Variants in PACRG observed in about 807,000 individuals in gnomAD.
PACRG encodes parkin coregulated gene protein.
PACRG carries 29 observed loss-of-function variants against 29.7 expected under a neutral mutation model. That is an observed-to-expected ratio of 0.98 (90% CI 0.73 to 1.33). PACRG has a LOEUF of 1.33. Among genes scored for constraint, PACRG ranks in the 40% most tolerant of loss-of-function variants. The pLI is 0.00. For synonymous variants in PACRG, 116 were observed against 118.7 expected (o/e 0.98, Z 0.15); for missense variants, 279 against 316.2 (o/e 0.88, Z 0.89).
chr6:163,206,111 G>C (rs1780891565), intron 4 of PACRG, among the ~76,000 whole-genome samples: 1 of 152,284 alleles, frequency 6.6e-6, no homozygotes, highest in African/African-American at 2.4e-5. Context: ...ACTGCTGGTG[G>C]GGGAGTGTAA....
chr6:162,994,927 T>G (rs546786938), intron 2 of PACRG, among the ~76,000 whole-genome samples: 1 of 148,356 alleles, frequency 6.7e-6, no homozygotes, highest in South Asian at 2.1e-4. Context: ...TCGGTGTGGA[T>G]GTCCTTTCTG....
chr6:162,935,559 A>G (rs1011613627), intron 2 of PACRG, among the ~76,000 whole-genome samples: 6 of 151,298 alleles, frequency 4.0e-5, no homozygotes, highest in Non-Finnish European at 1.5e-5. Context: ...GTTCTTTTAT[A>G]TGCTATTTCT....
At chr6:162,760,574 T>C (rs1782271063) in intron 1 of PACRG, among the ~76,000 whole-genome samples, 2 of 152,010 alleles carry the variant, frequency 1.3e-5, no homozygotes, top group South Asian at 4.1e-4. Context: ...GCAAAGCCGA[T>C]GGGGGTGTGT....
At chr6:163,041,167 C>A (rs976224694) in intron 2 of PACRG, among the ~76,000 whole-genome samples, 6 of 152,080 alleles carry the variant, frequency 3.9e-5, no homozygotes, top group Middle Eastern at 6.8e-3. Context: ...GAAACCCCGT[C>A]TCTACTAAAA....
rs1019247104 is a variant in PACRG, at chr6:162,777,265, T to C, written c.157-36882T>C. Among the ~76,000 whole-genome samples the C allele has an allele frequency of 2.6e-5, 4 of 152,214 alleles. No homozygotes were observed. Among genetic ancestry groups the C allele is most frequent in the African/African-American group, 9.7e-5 (4 of 41,448 alleles). ...CGTTGTTTTTCTCCACTTCGGGACA[T>C]GCAGTTGGCCATGTGCTCACAGGCC... On this transcript the variant is annotated intron_variant, in intron 1 of 4. Coordinates refer to ENST00000366888, the MANE Select transcript of PACRG (RefSeq NM_001080379.2). The surrounding 1 kb of genome is among the most constrained non-coding windows in gnomAD (Gnocchi z 4.0).
At chr6:162,956,112 G>A (rs757945548) in intron 2 of PACRG, among the ~76,000 whole-genome samples, 3 of 152,274 alleles carry the variant, frequency 2.0e-5, no homozygotes, top group Middle Eastern at 3.4e-3. Context: ...ACCATGACTC[G>A]TGTTAAGGTG....
At chr6:162,738,865 A>G (rs1235071158) in intron 1 of PACRG, among the ~76,000 whole-genome samples, 2 of 152,224 alleles carry the variant, frequency 1.3e-5, no homozygotes, top group African/African-American at 2.4e-5. Context: ...TGTCCTGTTA[A>G]TAGCAAATTT....
chr6:162,905,329 AG>A (rs1425831287), intron 2 of PACRG, among the ~76,000 whole-genome samples: 2 of 152,178 alleles, frequency 1.3e-5, no homozygotes, highest in Non-Finnish European at 1.5e-5. Flanking sequence ...GAAGATGGAA[AG>A]GATGCTTTCT....
At chr6:163,148,429 A>G (rs1777893260) in intron 4 of PACRG, among the ~76,000 whole-genome samples, 1 of 152,236 alleles carries the variant, frequency 6.6e-6, no homozygotes, top group Non-Finnish European at 1.5e-5. Flanking sequence ...TGTGCAGGCC[A>G]CATCTGGCCA....
intron 2 of PACRG, among the ~76,000 whole-genome samples, chr6:162,903,573 T>C (rs1795718178): frequency 6.6e-6 from 1 of 152,050 alleles, no homozygotes. Flanking sequence ...TCAGATCTCA[T>C]GAGACTGATT....
intron 2 of PACRG, among the ~76,000 whole-genome samples, chr6:162,936,301 C>G (rs548244229): frequency 6.6e-6 from 1 of 152,148 alleles, no homozygotes; most frequent in African/African-American, 2.4e-5. Flanking sequence ...CACAGCGAAA[C>G]TCTATCGAGT....
At chr6:163,245,770 G>T (rs1250878132) in intron 4 of PACRG, among the ~76,000 whole-genome samples, 1 of 152,046 alleles carries the variant, frequency 6.6e-6, no homozygotes, top group Non-Finnish European at 1.5e-5. Flanking sequence ...TAAACTGAAG[G>T]CGCTCAAGAC....
At chr6:162,897,599 T>C (rs773390267) in intron 2 of PACRG, among the ~76,000 whole-genome samples, 2 of 152,182 alleles carry the variant, frequency 1.3e-5, no homozygotes, top group Non-Finnish European at 2.9e-5. Flanking sequence ...ATGCAAAGGA[T>C]GTGGTTTCAT....
chr6:162,727,705 G>A (rs534060238), upstream of PACRG: 10 of 1,561,064 alleles, frequency 6.4e-6, no homozygotes, highest in South Asian at 1.2e-5. Flanking sequence ...GCCAGGAACA[G>A]GCCCATGCGC....
intron 2 of PACRG, among the ~76,000 whole-genome samples, chr6:163,053,376 T>G (rs1810226763): frequency 6.6e-6 from 1 of 152,196 alleles, no homozygotes; most frequent in South Asian, 2.1e-4. Flanking sequence ...AGTATCTTTT[T>G]TTAAATAAGG....
intron 3 of PACRG, among the ~76,000 whole-genome samples, chr6:163,072,606 A>G (rs1161351084): frequency 1.3e-5 from 2 of 152,184 alleles, no homozygotes; most frequent in Admixed American, 6.5e-5. Flanking sequence ...AGTCTTAGCT[A>G]GGGCAATCAG....
intron 1 of PACRG, among the ~76,000 whole-genome samples, chr6:162,755,066 A>G (rs1781799050): frequency 6.6e-6 from 1 of 152,134 alleles, no homozygotes; most frequent in South Asian, 2.1e-4. Flanking sequence ...TAGATTATAC[A>G]GTGTGTTGGC....
intron 4 of PACRG, among the ~76,000 whole-genome samples, chr6:163,264,842 A>T (rs185256142): frequency 6.6e-6 from 1 of 152,300 alleles, no homozygotes; most frequent in Admixed American, 6.5e-5. Flanking sequence ...CTGTGCACAG[A>T]AAAACAGGTT....
chr6:163,210,127 C>A (rs922050372), intron 4 of PACRG, among the ~76,000 whole-genome samples: 4 of 152,176 alleles, frequency 2.6e-5, no homozygotes, highest in African/African-American at 9.7e-5. Context: ...TTTTAAAAAT[C>A]TTATTAAAGA....
Sources: gnomAD v4.1 joint callset for allele counts (sites outside exome capture counted in the v4.1 genomes callset) on GRCh38, gnomAD v4.1.1 for gene constraint, Gnocchi (gnomAD v3.1) non-coding constraint, MANE v1.5 for transcripts, NCBI Gene and HGNC (gene_info 2026-07-23, HGNC 2026-07-21) for gene names.